ALG3: variants seen among roughly 807,000 people sequenced by gnomAD.
The protein encoded by ALG3 is dol-P-Man:Man(5)GlcNAc(2)-PP-Dol alpha-1,3-mannosyltransferase.
In ALG3, 39 loss-of-function variants were observed where a neutral mutation model predicts 50.5. That is an observed-to-expected ratio of 0.77 (90% CI 0.60 to 1.01). The LOEUF is 1.01. Ranked by LOEUF, ALG3 falls within the 50% of genes least tolerant of loss-of-function variation. The probability of loss-of-function intolerance (pLI) is 0.00; values close to 1 mark genes in which losing one functional copy is unlikely to be tolerated. For missense variants in ALG3, 520 were observed against 554.8 expected (o/e 0.94, Z 0.63); for synonymous variants, 252 against 237.2 (o/e 1.06, Z -0.58).
intron 7 of ALG3, 39 bp from the exon 8 acceptor site, chr3:184,242,996 G>T (rs776381768): frequency 4.3e-5 from 69 of 1,608,740 alleles, no homozygotes; most frequent in Admixed American, 8.4e-5. Context: ...AGTGTGTGTG[G>T]GGGGGACTAT....
Position 184,248,749 on chromosome 3 carries a change from C to T in ALG3, c.192G>A (p.Val64=). 1 of 1,567,322 alleles carries T rather than the reference C, an allele frequency of 6.4e-7. No homozygotes were observed. The highest frequency in any genetic ancestry group is 8.7e-7 in the Non-Finnish European group (1 of 1,151,798). Reference sequence around the variant, plus strand: ...CCTCCCCCTCGGCGCACTCACATGCCACCCTGTGAATGACCCAGAAGGTGA... The same window carrying T: ...CCTCCCCCTCGGCGCACTCACATGCTACCCTGTGAATGACCCAGAAGGTGA... The part of the protein sequence containing the change: ...VGITFWVIHR[V]AYTEIDWKAY... The change falls in exon 1 of 9, where the codon GTG becomes GTA. Residue 64 remains valine, a synonymous_variant. Coordinates refer to ENST00000397676, the MANE Select transcript of ALG3 (RefSeq NM_005787.6).
At position 184,244,657 on chromosome 3, in the gene ALG3, TGAG is replaced by T. The variant is rs1399225021; in HGVS notation, c.667_669del (p.Leu223del). On this transcript the variant is annotated inframe_deletion, in exon 5 of 9. Transcript: ENST00000397676. ...AGGGCCCCACGGAAGCCAAACTGTGTGAGGAGAAGAAACAGTAACCCAGGGGCG... is the reference window on the plus strand; with the variant it reads ...AGGGCCCCACGGAAGCCAAACTGTGTGAGAAGAAACAGTAACCCAGGGGCG... The T allele has an allele frequency of 9.3e-6, 15 of 1,610,456 alleles. No homozygotes were observed. Among genetic ancestry groups the T allele is most frequent in the African/African-American group, 1.3e-5 (1 of 74,626 alleles).
intron 7 of ALG3, 128 bp downstream of exon 7, chr3:184,243,426 A>G: frequency 1.3e-6 from 1 of 777,228 alleles, no homozygotes; most frequent in Non-Finnish European, 2.2e-6. Context: ...ACAGTGGTGC[A>G]GAATAGGACT....
intron 1 of ALG3, among the ~76,000 whole-genome samples, chr3:184,248,244 T>C (rs1207134309): frequency 2.0e-5 from 3 of 152,154 alleles, no homozygotes; most frequent in Admixed American, 6.5e-5. Flanking sequence ...ATTTGTTGAA[T>C]TAAGAGTCTT....
intron 5 of ALG3, chr3:184,244,244 G>C (rs1185413264): frequency 5.4e-6 from 3 of 552,258 alleles, no homozygotes; most frequent in Non-Finnish European, 9.5e-6. Flanking sequence ...ACTGGGCAGA[G>C]CAAGGAAGGC....
In ALG3 at chr3:184,245,796, C is replaced by T. The variant is rs1255259392; in HGVS notation, c.213G>A (p.Trp71Ter). The change falls in exon 2 of 9, where the codon TGG becomes TGA. Residue 71 changes from tryptophan to a stop codon, truncating the protein, a stop_gained. Coordinates refer to ENST00000397676, the MANE Select transcript of ALG3 (RefSeq NM_005787.6). LOFTEE classifies it high-confidence loss of function. ...CTTCTACCTCGGCCATGTAGGCCTT[C>T]CAGTCAATCTCTGTGTCTGGAAGAA... ...IHRVAYTEID[W>*]KAYMAEVEGV... 1 of 1,613,498 alleles carries T rather than the reference C, an allele frequency of 6.2e-7. No homozygotes were observed. Among genetic ancestry groups the T allele is most frequent in the East Asian group, 2.2e-5 (1 of 44,884 alleles).
chr3:184,249,486 G>C (rs1024656349), upstream of ALG3: 11 of 745,370 alleles, frequency 1.5e-5, no homozygotes, highest in Non-Finnish European at 2.4e-5. Context: ...GAAATGACTT[G>C]GCAGTACAGC....
At chr3:184,249,521 A>ACAGCTGGAGGATTCAGG, upstream of ALG3, 3 of 791,988 alleles carry the variant, frequency 3.8e-6, no homozygotes, top group Non-Finnish European at 5.9e-6. Flanking sequence ...TCTGGACGAT[A>ACAGCTGGAGGATTCAGG]GTTTTCCCAG....
At chr3:184,247,678 A>C (rs1486154692) in intron 1 of ALG3, among the ~76,000 whole-genome samples, 3 of 152,004 alleles carry the variant, frequency 2.0e-5, no homozygotes, top group African/African-American at 7.3e-5. Flanking sequence ...TAAATAGCTA[A>C]TTCCTACCTT....
intron 4 of ALG3, 95 bp from the exon 5 acceptor site, chr3:184,244,816 T>C (rs1184173813): frequency 2.8e-6 from 4 of 1,447,776 alleles, no homozygotes; most frequent in African/African-American, 3.1e-5. Context: ...CACAGCAACC[T>C]CCCCCCCGCC....
Position 184,242,532 on chromosome 3 carries a change from G to C in ALG3, c.1299C>G (p.His433Gln). 1 of 1,612,888 alleles carries C rather than the reference G, an allele frequency of 6.2e-7. No homozygotes were observed. Among genetic ancestry groups the C allele is most frequent in the Middle Eastern group, 1.7e-4 (1 of 6,056 alleles). The change falls in exon 9 of 9, where the codon CAC (histidine) becomes CAG (glutamine). Residue 433 changes from histidine to glutamine, a missense_variant. This residue lies in a region of ALG3 where 224 missense variants were observed against 272.8 expected (regional missense o/e 0.82). Transcript: ENST00000397676. ...GPQPFPKSTQ[H>Q]SKKAH ...GTGGACTTCAGTGGGCTTTCTTGCT[G>C]TGTTGGGTGCTCTTGGGGAAAGGCT...
Position 184,245,292 on chromosome 3 carries a change from G to A in ALG3, c.511C>T (p.Arg171Trp), listed in dbSNP as rs767850429. Reference protein sequence around the residue: ...SYRVHSIFVLRLFNDPVAMVL... With the variant: ...SYRVHSIFVLWLFNDPVAMVL... ...ATGGCCACTGGGTCATTGAAGAGCC[G>A]CAGCACAAAGATGGAGTGGACACGG... Residue 171 changes from arginine (R) to tryptophan (W), a missense_variant, in exon 4 of 9, where the codon CGG becomes TGG. By Grantham distance (101) the Arg-to-Trp change is moderately radical (BLOSUM62 -3). Coordinates refer to ENST00000397676, the MANE Select transcript of ALG3 (RefSeq NM_005787.6). The A allele has an allele frequency of 1.1e-5, 18 of 1,613,346 alleles. No individual in the cohort carries two copies. Among genetic ancestry groups the A allele is most frequent in the East Asian group, 2.2e-5 (1 of 44,890 alleles).
Position 184,245,265 on chromosome 3 carries a change from C to A in ALG3, c.538G>T (p.Val180Leu). 1 of 1,613,832 alleles carries A rather than the reference C, an allele frequency of 6.2e-7. No individual in the cohort carries two copies. The highest frequency in any genetic ancestry group is 2.2e-5 in the East Asian group (1 of 44,884). ...AGGTTGATACTGAGGAAGAGCAGCA[C>A]CATGGCCACTGGGTCATTGAAGAGC... is the stretch of plus-strand genomic sequence containing the variant. ...LRLFNDPVAM[V>L]LLFLSINLLL... The change falls in exon 4 of 9, where the codon GTG becomes TTG. Residue 180 changes from valine to leucine, a missense_variant. By Grantham distance (32) the Val-to-Leu change is conservative. Around this residue, in one of 3 missense-constraint regions of ALG3, gnomAD observed 290 missense variants for 265.9 expected, o/e 1.09. Transcript: ENST00000397676.
chr3:184,243,864 G>A lies in ALG3; in HGVS notation c.859C>T (p.Arg287Ter), dbSNP rs760860650. 4.3e-6 allele frequency: 7 copies of A among 1,613,898 alleles called. No homozygotes were observed. The highest frequency in any genetic ancestry group is 2.7e-5 in the African/African-American group (2 of 74,930). The change falls in exon 6 of 9, where the codon CGA becomes TGA. Residue 287 changes from arginine (R) to a stop codon, truncating the protein, a stop_gained. Transcript: ENST00000397676. LOFTEE classifies it high-confidence loss of function. ...RFLPEALFLH[R>*]AFHLALLTAH... is the part of the protein sequence containing the mutation. ...GTCAACAGGGCCAGGTGGAAGGCTC[G>A]ATGCAGGAAGAGCGCCTCTGGGAGG...
chr3:184,243,814 C>G lies in ALG3; in HGVS notation c.909G>C (p.Leu303=), dbSNP rs781022753. 6.2e-7 allele frequency: 1 copy of G among 1,613,796 alleles called. No individual in the cohort carries two copies. Among genetic ancestry groups the G allele is most frequent in the Non-Finnish European group, 8.5e-7 (1 of 1,179,852 alleles). Residue 303 remains leucine, a synonymous_variant, in exon 6 of 9, where the codon CTG becomes CTC. Coordinates refer to ENST00000397676, the MANE Select transcript of ALG3 (RefSeq NM_005787.6). Reference sequence around the variant, plus strand: ...ACCTGTGCCACCTGCAGAGGGCAAACAGCAGGAGCAGGGTGAGGTGGGCAG... The same window carrying G: ...ACCTGTGCCACCTGCAGAGGGCAAAGAGCAGGAGCAGGGTGAGGTGGGCAG... The part of the protein sequence containing the change: ...LLTAHLTLLL[L]FALCRWHRTG...
At chr3:184,244,899 G>A (rs1194865689) in intron 4 of ALG3, 178 bp from the exon 5 acceptor site, 9 of 886,378 alleles carry the variant, frequency 1.0e-5, no homozygotes, top group Non-Finnish European at 1.2e-5. Context: ...GTAGGCAGGA[G>A]GCAGATACAT....
chr3:184,247,850 CT>C (rs550165987), intron 1 of ALG3, among the ~76,000 whole-genome samples: 175 of 142,584 alleles, frequency 1.2e-3, no homozygotes, highest in Non-Finnish European at 1.2e-3. Flanking sequence ...CATCCTTTTT[CT>C]TTTTTTTTTT....
rs1305428137 is a variant in ALG3 at position 184,242,476 on chromosome 3, TGAG to T, written c.*35_*37del. Reference sequence around the variant, plus strand: ...GCAGAGTCCAACCAACCCCAGGTCCTGAGGGTAGACTCAGGTCCTGAGGGAAAG... The same window carrying T: ...GCAGAGTCCAACCAACCCCAGGTCCTGGTAGACTCAGGTCCTGAGGGAAAG... On this transcript the variant is annotated 3_prime_UTR_variant, in exon 9 of 9. Transcript: ENST00000397676. The T allele has an allele frequency of 2.5e-6, 4 of 1,603,152 alleles. No homozygotes were observed. The highest frequency in any genetic ancestry group is 3.4e-6 in the Non-Finnish European group (4 of 1,175,032).
chr3:184,249,469 G>T, upstream of ALG3: 1 of 751,324 alleles, frequency 1.3e-6, no homozygotes. Flanking sequence ...CTTGAGTGCG[G>T]CCCTAGGAAA....
Sources: allele counts gnomAD v4.1 joint callset (sites outside exome capture counted in the v4.1 genomes callset), GRCh38; gene constraint gnomAD v4.1.1; regional missense constraint gnomAD v4.1.1; transcripts MANE v1.5; gene names NCBI Gene and HGNC (gene_info 2026-07-23, HGNC 2026-07-21).